The following ZNF644 variants were observed in gnomAD, a reference collection of about 807,000 sequenced individuals.
The protein encoded by ZNF644 is zinc finger motif enhancer binding protein 2.
ZNF644 carries 20 observed loss-of-function variants against 108.0 expected under a neutral mutation model. That is an observed-to-expected ratio of 0.19 (90% CI 0.13 to 0.27). ZNF644 has a LOEUF of 0.27. Ranked by LOEUF, ZNF644 falls within the 10% of genes least tolerant of loss-of-function variation. The pLI, the probability that ZNF644 is intolerant of heterozygous loss-of-function variation, is 1.00. For missense variants in ZNF644, 1,338 were observed against 1,548.9 expected (o/e 0.86, Z 2.29); for synonymous variants, 542 against 539.1 (o/e 1.01, Z -0.08).
At chr1:90,962,356 T>C (rs1654419495) in intron 2 of ZNF644, among the ~76,000 whole-genome samples, 1 of 151,946 alleles carries the variant, frequency 6.6e-6, no homozygotes, top group Non-Finnish European at 1.5e-5. Flanking sequence ...GACCCATATG[T>C]ATATGGTCAC....
At chr1:91,008,841 C>A (rs1479718170) in intron 1 of ZNF644, among the ~76,000 whole-genome samples, 3 of 152,046 alleles carry the variant, frequency 2.0e-5, no homozygotes, top group East Asian at 3.9e-4. Flanking sequence ...ACATGAATAA[C>A]CAAGGTTGAA....
At position 90,918,165 on chromosome 1, in the gene ZNF644, G is replaced by C. The variant is rs752973534; in HGVS notation, c.3689-11C>G. ...GCTTACAATCTAAGGCTAAAAAGGGGAAGAGAAAGACTTAACATTCCTTAT... is the reference window on the plus strand; with the variant it reads ...GCTTACAATCTAAGGCTAAAAAGGGCAAGAGAAAGACTTAACATTCCTTAT... On this transcript the variant is annotated splice_polypyrimidine_tract_variant and intron_variant, in intron 4 of 5. Transcript: ENST00000337393. The C allele has an allele frequency of 6.2e-7, 1 of 1,602,262 alleles. No homozygotes were observed. The highest frequency in any genetic ancestry group is 1.7e-5 in the Admixed American group (1 of 59,976).
Position 90,937,958 on chromosome 1 carries a change from T to A in ZNF644, c.3215A>T (p.His1072Leu), listed in dbSNP as rs781576335. Residue 1072 changes from histidine (H) to leucine (L), a missense_variant, in exon 4 of 6, where the codon CAC (histidine) becomes CTC (leucine). By Grantham distance (99) the His-to-Leu change is moderately conservative. Around this residue, in one of 6 missense-constraint regions of ZNF644, gnomAD observed 287 missense variants for 310.9 expected, o/e 0.92. Coordinates refer to ENST00000337393, the MANE Select transcript of ZNF644 (RefSeq NM_201269.3). ...KRLGKTKWDA[H>L]KSPICVLNEM... ...ATTCAGAACACAGATTGGAGATTTG[T>A]GAGCATCCCATTTCGTCTTTCCAAG... 1 of 1,613,160 alleles carries A rather than the reference T, an allele frequency of 6.2e-7. No individual in the cohort carries two copies. Among genetic ancestry groups the A allele is most frequent in the Non-Finnish European group, 8.5e-7 (1 of 1,179,860 alleles).
intron 2 of ZNF644, among the ~76,000 whole-genome samples, chr1:90,955,747 A>T (rs1463840327): frequency 6.6e-6 from 1 of 152,226 alleles, no homozygotes; most frequent in Non-Finnish European, 1.5e-5. Context: ...TGTCCAGACC[A>T]TTCAAACTTT....
In ZNF644 at chr1:90,961,517, T is replaced by G. The variant is rs958343016; in HGVS notation, c.45-20208A>C. Among the ~76,000 whole-genome samples the G allele has an allele frequency of 3.9e-5, 6 of 152,118 alleles. 1 individual carries two copies. Among genetic ancestry groups the G allele is most frequent in the Admixed American group, 3.3e-4 (5 of 15,264 alleles). ...TTTCACTGCCATTCTCTCACAAGTG[T>G]ACAATGGAGTTTTCCAGAGGCTATA... On this transcript the variant is annotated intron_variant, in intron 2 of 5. Coordinates refer to ENST00000337393, the MANE Select transcript of ZNF644 (RefSeq NM_201269.3).
At chr1:90,986,297 A>C (rs980549150) in intron 1 of ZNF644, among the ~76,000 whole-genome samples, 11 of 151,794 alleles carry the variant, frequency 7.2e-5, no homozygotes, top group African/African-American at 2.7e-4. Flanking sequence ...ATATTCCTCA[A>C]AACTGTTAAG....
intron 1 of ZNF644, among the ~76,000 whole-genome samples, chr1:90,999,875 A>C (rs1253910361): frequency 1.3e-5 from 2 of 152,218 alleles, no homozygotes; most frequent in African/African-American, 4.8e-5. Flanking sequence ...AAAAAAAGGC[A>C]GGGGTTGCAA....
chr1:90,985,647 T>G (rs1432075931), intron 1 of ZNF644, among the ~76,000 whole-genome samples: 1 of 152,204 alleles, frequency 6.6e-6, no homozygotes, highest in Non-Finnish European at 1.5e-5. Context: ...TTTTTCTGTC[T>G]TAAGACTGAA....
At chr1:90,981,755 T>C (rs889799454) in intron 2 of ZNF644, among the ~76,000 whole-genome samples, 7 of 152,064 alleles carry the variant, frequency 4.6e-5, no homozygotes, top group African/African-American at 1.7e-4. Flanking sequence ...GAATGCTATA[T>C]TAGAGAGGTC....
chr1:91,010,161 A>G (rs991879293), intron 1 of ZNF644, among the ~76,000 whole-genome samples: 1 of 151,772 alleles, frequency 6.6e-6, no homozygotes, highest in Non-Finnish European at 1.5e-5. Flanking sequence ...CAATCTTATT[A>G]CTTTTTATTA....
At chr1:90,977,860 T>C (rs1179573311) in intron 2 of ZNF644, among the ~76,000 whole-genome samples, 1 of 152,178 alleles carries the variant, frequency 6.6e-6, no homozygotes, top group African/African-American at 2.4e-5. Flanking sequence ...ATAAATGTGG[T>C]AAATATATGG....
chr1:90,940,091 C>T lies in ZNF644; in HGVS notation c.1263G>A (p.Glu421=), dbSNP rs78456645. The T allele has an allele frequency of 3.0e-4, 477 of 1,614,096 alleles. 4 individuals carry two copies. In the African/African-American group the frequency reaches 5.8e-3, roughly 20 times the overall value. The change falls in exon 3 of 6, where the codon GAG becomes GAA. Residue 421 remains glutamate (E), a synonymous_variant. Transcript: ENST00000337393. The part of the protein sequence containing the change: ...PCTKCNVNFR[E]KKHLHRHMMY... The stretch of plus-strand genomic sequence containing the variant: ...TCATATGCCTGTGGAGGTGCTTCTT[C>T]TCCCTAAAATTCACATTGCACTTTG...
intron 2 of ZNF644, among the ~76,000 whole-genome samples, chr1:90,943,447 T>C (rs1043533845): frequency 4.6e-5 from 7 of 152,026 alleles, no homozygotes; most frequent in Admixed American, 1.3e-4. Flanking sequence ...TCTCAAAAAA[T>C]AAAAAACAAT....
In ZNF644 at chr1:90,940,274, G is replaced by A. The variant is rs1209321351; in HGVS notation, c.1080C>T (p.Phe360=). The change falls in exon 3 of 6, where the codon TTC becomes TTT. Residue 360 remains phenylalanine, a synonymous_variant. Coordinates refer to ENST00000337393, the MANE Select transcript of ZNF644 (RefSeq NM_201269.3). ...TATCTGGGTTATAAATTAGATGTTGGAAGGCATCCACAGATTCTAAGTCTT... is the reference window on the plus strand; with the variant it reads ...TATCTGGGTTATAAATTAGATGTTGAAAGGCATCCACAGATTCTAAGTCTT... The part of the protein sequence containing the change: ...TDEDLESVDA[F]QHLIYNPDKC... 1.2e-6 allele frequency: 2 copies of A among 1,613,802 alleles called. No individual in the cohort carries two copies. Among genetic ancestry groups the A allele is most frequent in the East Asian group, 2.2e-5 (1 of 44,870 alleles).
chr1:90,928,002 C>A (rs1001891299), intron 4 of ZNF644, among the ~76,000 whole-genome samples: 20 of 151,812 alleles, frequency 1.3e-4, no homozygotes, highest in African/African-American at 4.3e-4. Flanking sequence ...CACCACCACG[C>A]CTGGCTACTT....
intron 1 of ZNF644, among the ~76,000 whole-genome samples, chr1:91,015,470 C>T (rs1191796282): frequency 6.6e-6 from 1 of 152,208 alleles, no homozygotes; most frequent in Admixed American, 6.5e-5. Flanking sequence ...CGCATAGCCA[C>T]TCACCTTCTT....
intron 2 of ZNF644, among the ~76,000 whole-genome samples, chr1:90,959,940 A>G (rs893893739): frequency 6.6e-6 from 1 of 152,176 alleles, no homozygotes; most frequent in African/African-American, 2.4e-5. Context: ...TTGCTATTCT[A>G]CGGAGCTTGA....
intron 1 of ZNF644, among the ~76,000 whole-genome samples, chr1:90,997,148 G>A (rs983095467): frequency 6.6e-6 from 1 of 152,192 alleles, no homozygotes; most frequent in Admixed American, 6.5e-5. Context: ...ACTCTAGAGA[G>A]CCACATGTAC....
At chr1:90,931,456 A>C (rs1250078887) in intron 4 of ZNF644, among the ~76,000 whole-genome samples, 1 of 151,940 alleles carries the variant, frequency 6.6e-6, no homozygotes, top group Non-Finnish European at 1.5e-5. Flanking sequence ...TAAATTTACA[A>C]TATAGGATAT....
Sources: gnomAD v4.1 joint callset for allele counts (sites outside exome capture counted in the v4.1 genomes callset) on GRCh38, gnomAD v4.1.1 for gene constraint, gnomAD v4.1.1 regional missense constraint, MANE v1.5 for transcripts, NCBI Gene and HGNC (gene_info 2026-07-23, HGNC 2026-07-21) for gene names.